The following ADAMTSL1 variants were observed in gnomAD, a reference collection of about 807,000 sequenced individuals.
ADAMTSL1 encodes the protein ADAMTS-like protein 1.
In ADAMTSL1, 126 loss-of-function variants were observed where a neutral mutation model predicts 201.8. That is an observed-to-expected ratio of 0.62 (90% CI 0.54 to 0.72). The LOEUF (loss-of-function observed/expected upper bound fraction) is 0.72, where lower values mean the gene tolerates loss of function less well. Among genes scored for constraint, ADAMTSL1 ranks in the 30% least tolerant of loss-of-function variants. The probability of loss-of-function intolerance (pLI) is 0.00; values close to 1 mark genes in which losing one functional copy is unlikely to be tolerated. For missense variants in ADAMTSL1, 2,679 were observed against 2,277.8 expected, an observed-to-expected ratio of 1.18 and a Z score of -3.59; for synonymous variants, 1,121 against 903.4, an observed-to-expected ratio of 1.24 and a Z score of -4.32.
intron 2 of ADAMTSL1, among the ~76,000 whole-genome samples, chr9:18,259,581 C>T (rs1831836174): frequency 1.3e-5 from 2 of 151,878 alleles, no homozygotes; most frequent in African/African-American, 4.8e-5. Context: ...GTACAGCTTA[C>T]AAGGCTCCCA....
rs567536009 is a variant in ADAMTSL1 at position 18,508,980 on chromosome 9, C to T, written c.191+4024C>T. Reference sequence around the variant, plus strand: ...CGGGTGGATCATGAGGTCAGGAGATCGAGACCATCCTGGCTAACAAGGTGA... The same window carrying T: ...CGGGTGGATCATGAGGTCAGGAGATTGAGACCATCCTGGCTAACAAGGTGA... On this transcript the variant is annotated intron_variant, in intron 2 of 28. Transcript: ENST00000380548. 2.1e-4 allele frequency among the ~76,000 whole-genome samples: 28 copies of T among 134,372 alleles called. 2 individuals carry two copies. The highest frequency in any genetic ancestry group is 4.8e-4 in the African/African-American group (16 of 33,404). 88.2% of individuals were successfully genotyped at this position (134,372 alleles called of 152,430 possible).
intron 2 of ADAMTSL1, among the ~76,000 whole-genome samples, chr9:18,336,983 G>A (rs1704755451): frequency 6.6e-6 from 1 of 152,010 alleles, no homozygotes; most frequent in African/African-American, 2.4e-5. Flanking sequence ...TAATGCAGTG[G>A]GTTACTGTGA....
At chr9:18,414,347 T>C (rs1157121449) in intron 2 of ADAMTSL1, among the ~76,000 whole-genome samples, 3 of 152,208 alleles carry the variant, frequency 2.0e-5, no homozygotes, top group Admixed American at 6.5e-5. Flanking sequence ...AGAGACTTCT[T>C]AATTATATTC....
intron 7 of ADAMTSL1, among the ~76,000 whole-genome samples, chr9:18,644,535 C>A (rs1224267791): frequency 6.6e-6 from 1 of 151,862 alleles, no homozygotes; most frequent in African/African-American, 2.4e-5. Context: ...TATCCCTCCC[C>A]CCTACCCCCA....
At chr9:18,501,331 C>T (rs1433407706) in intron 1 of ADAMTSL1, among the ~76,000 whole-genome samples, 5 of 151,874 alleles carry the variant, frequency 3.3e-5, no homozygotes, top group African/African-American at 9.7e-5. Context: ...GGCAACATAG[C>T]GAAACCTCGT....
intron 2 of ADAMTSL1, among the ~76,000 whole-genome samples, chr9:18,340,807 T>C (rs1835437763): frequency 6.6e-6 from 1 of 152,156 alleles, no homozygotes; most frequent in Non-Finnish European, 1.5e-5. Context: ...TTGTGAGTCC[T>C]CCCCAGCCAT....
intron 1 of ADAMTSL1, among the ~76,000 whole-genome samples, chr9:18,072,213 T>C (rs1823001288): frequency 6.6e-6 from 1 of 152,222 alleles, no homozygotes; most frequent in Non-Finnish European, 1.5e-5. Flanking sequence ...CTGTGAATAT[T>C]TTTCATTACT....
At chr9:18,150,283 A>C (rs1209196761) in intron 1 of ADAMTSL1, among the ~76,000 whole-genome samples, 1 of 150,416 alleles carries the variant, frequency 6.6e-6, no homozygotes, top group African/African-American at 2.5e-5. Flanking sequence ...GGGAATACCA[A>C]ACTATGGGGA....
intron 2 of ADAMTSL1, among the ~76,000 whole-genome samples, chr9:18,532,671 A>G (rs1031596338): frequency 2.6e-5 from 4 of 152,000 alleles, no homozygotes; most frequent in Non-Finnish European, 5.9e-5. Flanking sequence ...AAATCAAAAT[A>G]ATAGTGATTG....
chr9:18,430,892 C>T (rs1819459064), intron 2 of ADAMTSL1, among the ~76,000 whole-genome samples: 1 of 152,158 alleles, frequency 6.6e-6, no homozygotes, highest in Admixed American at 6.5e-5. Context: ...TGATTAGCCC[C>T]ATAGTGATTT....
At chr9:18,074,412 G>A (rs1823102508) in intron 1 of ADAMTSL1, among the ~76,000 whole-genome samples, 1 of 152,072 alleles carries the variant, frequency 6.6e-6, no homozygotes, top group Non-Finnish European at 1.5e-5. Flanking sequence ...CTGGAGGAAA[G>A]GACTCATTCC....
At chr9:18,862,327 C>G (rs1421514669) in intron 23 of ADAMTSL1, among the ~76,000 whole-genome samples, 1 of 152,148 alleles carries the variant, frequency 6.6e-6, no homozygotes, top group Non-Finnish European at 1.5e-5. Context: ...CATGCTGGCT[C>G]GGAGCTGCTG....
At chr9:18,903,923 C>T (rs545050801) in intron 26 of ADAMTSL1, among the ~76,000 whole-genome samples, 4 of 151,580 alleles carry the variant, frequency 2.6e-5, no homozygotes, top group Admixed American at 1.3e-4. Context: ...ACTATACTCA[C>T]TCTATAGTAA....
At chr9:17,979,134 T>C (rs1466059230) in intron 1 of ADAMTSL1, among the ~76,000 whole-genome samples, 1 of 152,142 alleles carries the variant, frequency 6.6e-6, no homozygotes, top group Non-Finnish European at 1.5e-5. Flanking sequence ...TTGATTATAA[T>C]GTATCTGATA....
intron 5 of ADAMTSL1, among the ~76,000 whole-genome samples, 164 bp from the exon 6 acceptor site, chr9:18,635,779 G>C (rs1211135275): frequency 1.3e-5 from 2 of 152,052 alleles, no homozygotes; most frequent in Non-Finnish European, 2.9e-5. Flanking sequence ...ATTTTATTTT[G>C]AGCAAAGTGA....
intron 2 of ADAMTSL1, among the ~76,000 whole-genome samples, chr9:18,313,329 C>A (rs1834228324): frequency 6.6e-6 from 1 of 152,050 alleles, no homozygotes; most frequent in Non-Finnish European, 1.5e-5. Flanking sequence ...TTTTAAGGCC[C>A]CAGGTGATTC....
chr9:18,053,468 AAT>A (rs1822031160), intron 1 of ADAMTSL1, among the ~76,000 whole-genome samples: 2 of 152,224 alleles, frequency 1.3e-5, no homozygotes, highest in South Asian at 4.1e-4. Context: ...CACATGTGAC[AAT>A]CTCTTAATTT....
chr9:18,236,234 C>G (rs775699756), intron 2 of ADAMTSL1, among the ~76,000 whole-genome samples: 3 of 152,138 alleles, frequency 2.0e-5, no homozygotes, highest in Non-Finnish European at 2.9e-5. Flanking sequence ...CCACGCCCGA[C>G]TAATTTTTTG....
intron 2 of ADAMTSL1, among the ~76,000 whole-genome samples, chr9:18,319,806 T>C (rs1190679336): frequency 6.6e-6 from 1 of 152,162 alleles, no homozygotes; most frequent in Non-Finnish European, 1.5e-5. Context: ...CACCTGAATC[T>C]GTGAATATGT....
Sources: gnomAD v4.1 joint callset for allele counts (sites outside exome capture counted in the v4.1 genomes callset) on GRCh38, gnomAD v4.1.1 for gene constraint, MANE v1.5 for transcripts, NCBI Gene and HGNC (gene_info 2026-07-23, HGNC 2026-07-21) for gene names.